Variants in YIPF7 observed in about 807,000 individuals in gnomAD.
YIPF7 encodes the protein protein YIPF7.
YIPF7 carries 35 observed loss-of-function variants against 27.2 expected under a neutral mutation model. The ratio of observed to expected loss-of-function variants is 1.29; its 90% confidence interval spans 0.98 to 1.70. The LOEUF (loss-of-function observed/expected upper bound fraction) is 1.70. YIPF7 is among the 40% of genes most tolerant of loss of function. YIPF7 has a pLI of 0.00. For missense variants in YIPF7, 358 were observed against 303.7 expected (o/e 1.18, Z -1.33); for synonymous variants, 137 against 110.4 (o/e 1.24, Z -1.51).
At position 44,622,341 on chromosome 4, in the gene YIPF7, A is replaced by G; in HGVS notation, c.*73T>C. ...AATAAAACAGAAATCATATCACCAA[A>G]TTTGAATGTTAATATATTTCCAAAA... On this transcript the variant is annotated 3_prime_UTR_variant, in exon 6 of 6. Coordinates refer to ENST00000415895, the MANE Select transcript of YIPF7 (RefSeq NM_182592.3). The G allele has an allele frequency of 6.7e-7, 1 of 1,492,704 alleles. No individual in the cohort carries two copies. Among genetic ancestry groups the G allele is most frequent in the African/African-American group, 1.4e-5 (1 of 71,124 alleles). 92.5% of individuals were successfully genotyped at this position (1,492,704 alleles called of 1,614,324 possible). A position where few individuals can be genotyped will look rare whatever the true frequency, so the allele number is the denominator to read the frequency against.
chr4:44,654,917 G>A (rs1243346996), upstream of YIPF7, among the ~76,000 whole-genome samples: 2 of 151,914 alleles, frequency 1.3e-5, no homozygotes, highest in African/African-American at 4.8e-5. Flanking sequence ...AGATTGGTAG[G>A]AGATAACAAA....
intron 4 of YIPF7, 186 bp downstream of exon 4, chr4:44,629,217 A>T: frequency 3.5e-6 from 2 of 578,618 alleles, no homozygotes; most frequent in Non-Finnish European, 5.1e-6. Context: ...ATTTAAATTT[A>T]TACTTTTTAG....
rs1348744533 is a variant in YIPF7 at position 44,660,684 on chromosome 4, T to C, written c.-171-66A>G. On this transcript the variant is annotated intron_variant, in intron 1 of 2. Coordinates refer to the YIPF7 transcript ENST00000508947. ...CTACATTTTGGAGTGGTTTGTGATA[T>C]AGCAGTAAATAACTAGAACACATTT... The C allele has an allele frequency of 2.7e-5, 4 of 150,608 alleles. No homozygotes were observed. The East Asian group carries it at 5.9e-4, about 22-fold the overall frequency. 9.3% of individuals were successfully genotyped at this position (150,608 alleles called of 1,614,324 possible). A position where few individuals can be genotyped will look rare whatever the true frequency, so the allele number is the denominator to read the frequency against.
At chr4:44,635,046 G>C (rs571113113) in intron 3 of YIPF7, among the ~76,000 whole-genome samples, 1 of 152,246 alleles carries the variant, frequency 6.6e-6, no homozygotes, top group South Asian at 2.1e-4. Context: ...GAAGAATGTG[G>C]CTGGTTGTGT....
rs546807702 is a variant in YIPF7, at chr4:44,628,577, A to C, written c.426+826T>G. Among the ~76,000 whole-genome samples the C allele has an allele frequency of 2.0e-5, 3 of 152,192 alleles. 1 individual carries two copies. In the South Asian group the frequency reaches 6.2e-4, roughly 32 times the overall value. ...GAAACTATACTTTTCAGACTGACTTAACCATCTTTATCATTTTCTGTTTTT... is the reference window on the plus strand; with the variant it reads ...GAAACTATACTTTTCAGACTGACTTCACCATCTTTATCATTTTCTGTTTTT... On this transcript the variant is annotated intron_variant, in intron 4 of 5. Transcript: ENST00000415895.
chr4:44,648,832 T>A (rs893006786), intron 2 of YIPF7, among the ~76,000 whole-genome samples: 5 of 152,150 alleles, frequency 3.3e-5, no homozygotes, highest in Admixed American at 1.3e-4. Context: ...AGAAGTTAAG[T>A]CATACCAATA....
chr4:44,655,091 T>C (rs1713853071), upstream of YIPF7, among the ~76,000 whole-genome samples: 1 of 152,030 alleles, frequency 6.6e-6, no homozygotes, highest in Non-Finnish European at 1.5e-5. Context: ...GTAGAGGCTG[T>C]GAGTTGCTCA....
rs977076447 is a variant in YIPF7, at chr4:44,644,421, G to A, written c.116+5564C>T. ...TTGGGCCACATTAAAGCCACCATGG[G>A]CTGCACACAGCCTGTGGGCTGTGGG... On this transcript the variant is annotated intron_variant, in intron 2 of 5. Coordinates refer to ENST00000415895, the MANE Select transcript of YIPF7 (RefSeq NM_182592.3). 2.0e-5 allele frequency among the ~76,000 whole-genome samples: 3 copies of A among 152,324 alleles called. No individual in the cohort carries two copies. In the South Asian group the frequency reaches 6.2e-4, roughly 32 times the overall value.
intron 2 of YIPF7, among the ~76,000 whole-genome samples, chr4:44,659,401 A>G (rs1713983695): frequency 6.6e-6 from 1 of 152,184 alleles, no homozygotes; most frequent in Admixed American, 6.5e-5. Flanking sequence ...AGTATAAATG[A>G]TAGTGCTGAC....
At chr4:44,646,736 T>C (rs1713539085) in intron 2 of YIPF7, among the ~76,000 whole-genome samples, 1 of 152,150 alleles carries the variant, frequency 6.6e-6, no homozygotes, top group South Asian at 2.1e-4. Context: ...AGCTTTCAGA[T>C]CAATACACCA....
At chr4:44,629,381 G>C (rs1346363880) in intron 4 of YIPF7, 22 bp downstream of exon 4, 1 of 1,567,564 alleles carries the variant, frequency 6.4e-7, no homozygotes, top group East Asian at 2.3e-5. Context: ...ATTAAAATCT[G>C]GTGCTTCCTG....
chr4:44,659,695 G>A (rs986824859), intron 2 of YIPF7, among the ~76,000 whole-genome samples: 6 of 152,020 alleles, frequency 3.9e-5, no homozygotes, highest in South Asian at 2.1e-4. Flanking sequence ...AGTATATATT[G>A]TTTTACAAAA....
intron 2 of YIPF7, among the ~76,000 whole-genome samples, chr4:44,657,886 G>A (rs1048450642): frequency 3.3e-5 from 5 of 152,054 alleles, no homozygotes; most frequent in Non-Finnish European, 5.9e-5. Context: ...GTGAAAGGGA[G>A]TTGTGGCTTA....
At chr4:44,648,123 C>G (rs1248098994) in intron 2 of YIPF7, among the ~76,000 whole-genome samples, 2 of 152,046 alleles carry the variant, frequency 1.3e-5, no homozygotes, top group African/African-American at 2.4e-5. Context: ...AGATGTGTAA[C>G]CTTGAGAAAA....
intron 2 of YIPF7, 28 bp downstream of exon 2, chr4:44,649,957 A>G: frequency 7.7e-7 from 1 of 1,298,490 alleles, no homozygotes; most frequent in East Asian, 2.6e-5. Flanking sequence ...CTGTCAAAAA[A>G]AAAAAAAGAA....
At chr4:44,630,091 C>G (rs762999194) in intron 3 of YIPF7, among the ~76,000 whole-genome samples, 17 of 152,318 alleles carry the variant, frequency 1.1e-4, no homozygotes, top group Non-Finnish European at 2.1e-4. Context: ...GGCTCAGCCT[C>G]TTGAGTAGCT....
At chr4:44,622,764 G>A (rs368791554) in intron 5 of YIPF7, among the ~76,000 whole-genome samples, 188 bp from the exon 6 acceptor site, 1 of 152,122 alleles carries the variant, frequency 6.6e-6, no homozygotes, top group Non-Finnish European at 1.5e-5. Flanking sequence ...TCATTACAGA[G>A]ACTAAATATT....
intron 2 of YIPF7, among the ~76,000 whole-genome samples, chr4:44,646,564 T>C (rs1248264921): frequency 2.0e-5 from 3 of 152,200 alleles, no homozygotes; most frequent in Non-Finnish European, 4.4e-5. Context: ...GGTGGAAAAA[T>C]ATAGCCTCAG....
chr4:44,647,890 G>T (rs759552954), intron 2 of YIPF7, among the ~76,000 whole-genome samples: 1 of 150,636 alleles, frequency 6.6e-6, no homozygotes, highest in Non-Finnish European at 1.5e-5. Context: ...TAAGGTGTGT[G>T]TGTGGATGTG....
Sources: gnomAD v4.1 joint callset for allele counts (sites outside exome capture counted in the v4.1 genomes callset) on GRCh38, gnomAD v4.1.1 for gene constraint, MANE v1.5 for transcripts, NCBI Gene and HGNC (gene_info 2026-07-23, HGNC 2026-07-21) for gene names.